Variants in RNF138 observed in about 807,000 individuals in gnomAD.
The protein encoded by RNF138 is E3 ubiquitin-protein ligase RNF138.
In RNF138, 12 loss-of-function variants were observed where a neutral mutation model predicts 31.0. That is an observed-to-expected ratio of 0.39 (90% CI 0.25 to 0.63). The LOEUF (loss-of-function observed/expected upper bound fraction) is 0.63, where lower values mean the gene tolerates loss of function less well. RNF138 is among the 20% of genes least tolerant of loss of function. The pLI is 0.52. For synonymous variants in RNF138, 105 were observed against 99.5 expected, an observed-to-expected ratio of 1.06 and a Z score of -0.33; for missense variants, 192 against 300.1, an observed-to-expected ratio of 0.64 and a Z score of 2.66.
intron 2 of RNF138, among the ~76,000 whole-genome samples, chr18:32,101,858 C>A (rs1214598898): frequency 6.6e-6 from 1 of 151,982 alleles, no homozygotes; most frequent in African/African-American, 2.4e-5. Context: ...GCTAGCAAGG[C>A]TGCATGCATT....
chr18:32,092,878 T>C lies in RNF138; in HGVS notation c.102T>C (p.Cys34=). 1 of 1,568,192 alleles carries C rather than the reference T, an allele frequency of 6.4e-7. No homozygotes were observed. Among genetic ancestry groups the C allele is most frequent in the Non-Finnish European group, 8.6e-7 (1 of 1,158,874 alleles). The stretch of plus-strand genomic sequence containing the variant: ...AAACGCCCGTGCGGACCACGGCCTG[T>C]CAGCACGTGTGAGTAGACGCCCCCT... ...VLKTPVRTTA[C]QHVFCRKCFL... Residue 34 remains cysteine (C), a synonymous_variant, in exon 2 of 8, where the codon TGT becomes TGC. Coordinates refer to ENST00000261593, the MANE Select transcript of RNF138 (RefSeq NM_016271.5).
intron 2 of RNF138, among the ~76,000 whole-genome samples, chr18:32,107,630 C>G (rs2040056527): frequency 6.6e-6 from 1 of 152,042 alleles, no homozygotes; most frequent in African/African-American, 2.4e-5. Context: ...AAGTGATTCT[C>G]CTACCTCAGC....
intron 2 of RNF138, among the ~76,000 whole-genome samples, chr18:32,101,403 A>G (rs182657446): frequency 1.3e-5 from 2 of 151,288 alleles, no homozygotes; most frequent in East Asian, 2.0e-4. Context: ...GTATATATAT[A>G]TATTTTTAAA....
chr18:32,111,110 A>C (rs1374886738), intron 2 of RNF138, among the ~76,000 whole-genome samples: 1 of 152,200 alleles, frequency 6.6e-6, no homozygotes, highest in Non-Finnish European at 1.5e-5. Context: ...TATTTCTCAA[A>C]TTATGTTCCA....
chr18:32,096,537 G>A (rs1042153530), intron 2 of RNF138, among the ~76,000 whole-genome samples: 1 of 152,142 alleles, frequency 6.6e-6, no homozygotes, highest in African/African-American at 2.4e-5. Flanking sequence ...CCTAGATAGA[G>A]CCAAGTGTTG....
At chr18:32,122,681 G>A (rs1005052569) in intron 4 of RNF138, among the ~76,000 whole-genome samples, 32 of 152,004 alleles carry the variant, frequency 2.1e-4, no homozygotes, top group African/African-American at 2.7e-4. Flanking sequence ...AAAATTAGCC[G>A]GTCATGGTGG....
At chr18:32,107,154 T>C (rs1304768588) in intron 2 of RNF138, among the ~76,000 whole-genome samples, 1 of 128,176 alleles carries the variant, frequency 7.8e-6, no homozygotes, top group Non-Finnish European at 1.6e-5. Context: ...GGAATCTCGC[T>C]CTGTCACCCA....
chr18:32,094,879 C>T (rs59810035), intron 2 of RNF138, among the ~76,000 whole-genome samples: 3,076 of 152,212 alleles, frequency 0.02, 97 homozygotes, highest in African/African-American at 0.07. Context: ...TTTTAGCACT[C>T]CCCAAAATTC....
chr18:32,095,625 G>A (rs2039791193), intron 2 of RNF138, among the ~76,000 whole-genome samples: 1 of 152,166 alleles, frequency 6.6e-6, no homozygotes, highest in Admixed American at 6.5e-5. Flanking sequence ...GGTTACTGTG[G>A]ATCAGTTAGA....
intron 7 of RNF138, among the ~76,000 whole-genome samples, chr18:32,127,128 CAT>C (rs1226252225): frequency 6.6e-6 from 1 of 152,098 alleles, no homozygotes; most frequent in African/African-American, 2.4e-5. Context: ...ATTGGTACAA[CAT>C]ATGGAGGATG....
chr18:32,106,158 T>C (rs1203420574), intron 2 of RNF138, among the ~76,000 whole-genome samples: 1 of 152,228 alleles, frequency 6.6e-6, no homozygotes, highest in Admixed American at 6.5e-5. Context: ...TTTACATACC[T>C]TTTCAGAATT....
intron 2 of RNF138, among the ~76,000 whole-genome samples, chr18:32,105,531 G>A (rs541825427): frequency 7.1e-4 from 108 of 152,346 alleles, no homozygotes; most frequent in African/African-American, 2.6e-3. Context: ...GCTTTGATCA[G>A]TAAGATAGTA....
intron 2 of RNF138, among the ~76,000 whole-genome samples, chr18:32,098,100 C>T (rs1177896549): frequency 1.3e-5 from 2 of 151,956 alleles, no homozygotes; most frequent in Non-Finnish European, 2.9e-5. Flanking sequence ...GATTCTACTC[C>T]CTCAGCCTCC....
intron 2 of RNF138, among the ~76,000 whole-genome samples, chr18:32,110,552 C>A (rs1350223266): frequency 3.3e-5 from 5 of 152,152 alleles, no homozygotes; most frequent in Non-Finnish European, 5.9e-5. Flanking sequence ...GTTATGTGAT[C>A]TGTTACTGCA....
rs375721132 is a variant in RNF138 at position 32,092,800 on chromosome 18, C to T, written c.24C>T (p.Ala8=). 3 of 1,593,618 alleles carry T rather than the reference C, an allele frequency of 1.9e-6. No individual in the cohort carries two copies. The highest frequency in any genetic ancestry group is 2.6e-6 in the Non-Finnish European group (3 of 1,172,932). The change falls in exon 2 of 8, where the codon GCC becomes GCT. Residue 8 remains alanine, a synonymous_variant. Coordinates refer to ENST00000261593, the MANE Select transcript of RNF138 (RefSeq NM_016271.5). Reference sequence around the variant, plus strand: ...CCATGGCCGAGGACCTCTCTGCGGCCACGTCCTACACCGAAGATGATTTCT... The same window carrying T: ...CCATGGCCGAGGACCTCTCTGCGGCTACGTCCTACACCGAAGATGATTTCT... MAEDLSA[A]TSYTEDDFYC...
At position 32,119,104 on chromosome 18, in the gene RNF138, G is replaced by A. The variant is rs2040262721; in HGVS notation, c.393-4414G>A. ...GTGAGGTAGGAAAAATTTTCCCCATGTGATAAACCATTTGGTAACATTCAT... is the reference window on the plus strand; with the variant it reads ...GTGAGGTAGGAAAAATTTTCCCCATATGATAAACCATTTGGTAACATTCAT... On this transcript the variant is annotated intron_variant, in intron 4 of 7. Coordinates refer to ENST00000261593, the MANE Select transcript of RNF138 (RefSeq NM_016271.5). Among the ~76,000 whole-genome samples the A allele has an allele frequency of 2.0e-5, 3 of 152,152 alleles. No individual in the cohort carries two copies. In the South Asian group the frequency reaches 6.2e-4, roughly 31 times the overall value.
chr18:32,096,235 A>G (rs146681474), intron 2 of RNF138, among the ~76,000 whole-genome samples: 1 of 152,368 alleles, frequency 6.6e-6, no homozygotes, highest in African/African-American at 2.4e-5. Context: ...TTTCATTTTT[A>G]GAAAGTTTAC....
chr18:32,097,886 GTATGTA>G (rs1168102055), intron 2 of RNF138, among the ~76,000 whole-genome samples: 2 of 151,916 alleles, frequency 1.3e-5, no homozygotes, highest in Non-Finnish European at 2.9e-5. Flanking sequence ...GTATATATGT[GTATGTA>G]TATGTGTATG....
Position 32,124,718 on chromosome 18 carries a change from TAA to T in RNF138, c.450-13_450-12del. On this transcript the variant is annotated splice_polypyrimidine_tract_variant and intron_variant, in intron 5 of 7. Transcript: ENST00000261593. ...TATTCTGAATTAAGTATGTTTCACTTAAAATTGTTTTATAGTTCTTCTGGTCA... is the reference window on the plus strand; with the variant it reads ...TATTCTGAATTAAGTATGTTTCACTTAATTGTTTTATAGTTCTTCTGGTCA... 1 of 1,256,408 alleles carries T rather than the reference TAA, an allele frequency of 8.0e-7. No homozygotes were observed. The highest frequency in any genetic ancestry group is 1.2e-6 in the Non-Finnish European group (1 of 855,368). 77.8% of individuals were successfully genotyped at this position (1,256,408 alleles called of 1,614,324 possible).
Sources: gnomAD v4.1 joint callset for allele counts (sites outside exome capture counted in the v4.1 genomes callset) on GRCh38, gnomAD v4.1.1 for gene constraint, MANE v1.5 for transcripts, NCBI Gene and HGNC (gene_info 2026-07-23, HGNC 2026-07-21) for gene names.